The following NUGGC variants were observed in gnomAD, a reference collection of about 807,000 sequenced individuals.
The protein encoded by NUGGC is nuclear GTPase SLIP-GC.
A neutral mutation model predicts 92.6 loss-of-function variants in NUGGC; 58 were observed. The ratio of observed to expected loss-of-function variants is 0.63; its 90% CI spans 0.51 to 0.78. The LOEUF is 0.78. Ranked by LOEUF, NUGGC falls within the 30% of genes least tolerant of loss-of-function variation. The pLI is 0.00. For synonymous variants in NUGGC, 376 were observed against 366.4 expected (o/e 1.03, Z -0.30); for missense variants, 925 against 964.6 (o/e 0.96, Z 0.54).
intron 10 of NUGGC, among the ~76,000 whole-genome samples, chr8:28,050,389 AAAAGAAAAAAGGAAAGG>A (rs1282964657): frequency 1.3e-5 from 2 of 152,076 alleles, no homozygotes. Context: ...CTGTTAAAAA[AAAAGAAAAAAGGAAAGG>A]AAAAGAAAGG....
At chr8:28,064,840 T>C (rs767117363) in intron 6 of NUGGC, 109 bp from the exon 7 acceptor site, 189 of 884,996 alleles carry the variant, frequency 2.1e-4, no homozygotes, top group Non-Finnish European at 3.0e-4. Context: ...GGGTAAGAAG[T>C]GCGTCCAACA....
At chr8:28,025,932 A>C (rs1335051075) in intron 18 of NUGGC, among the ~76,000 whole-genome samples, 1 of 152,194 alleles carries the variant, frequency 6.6e-6, no homozygotes, top group African/African-American at 2.4e-5. Flanking sequence ...AGAGGCAACG[A>C]GTACTGCCAG....
At chr8:28,033,973 G>T (rs2130093112) in intron 13 of NUGGC, among the ~76,000 whole-genome samples, 1 of 152,256 alleles carries the variant, frequency 6.6e-6, no homozygotes, top group East Asian at 1.9e-4. Flanking sequence ...CATTTGTCCG[G>T]CTCCTGTACT....
intron 2 of NUGGC, among the ~76,000 whole-genome samples, chr8:28,073,593 G>A (rs977873205): frequency 6.6e-5 from 10 of 152,092 alleles, no homozygotes; most frequent in Non-Finnish European, 1.3e-4. Flanking sequence ...CGTCCTATAG[G>A]GAAGCCTCCC....
chr8:28,068,318 A>T lies in NUGGC; in HGVS notation c.378T>A (p.Phe126Leu). ...LINAIIQQAM[F>L]LPVSGESICT... is the part of the protein sequence containing the mutation. ...ATATGCTTTCTCCAGACACTGGTAG[A>T]AACATTGCTTGCTGGATGATGGCAT... The change falls in exon 5 of 19, where the codon TTT becomes TTA. Residue 126 changes from phenylalanine (F) to leucine (L), a missense_variant. Physicochemically the swap from Phe to Leu is conservative, Grantham distance 22 (BLOSUM62 0). Coordinates refer to ENST00000413272, the MANE Select transcript of NUGGC (RefSeq NM_001010906.2). 6.4e-7 allele frequency: 1 copy of T among 1,558,712 alleles called. No homozygotes were observed. The highest frequency in any genetic ancestry group is 8.7e-7 in the Non-Finnish European group (1 of 1,150,826).
intron 11 of NUGGC, among the ~76,000 whole-genome samples, chr8:28,046,047 C>A (rs1200551059): frequency 6.6e-6 from 1 of 152,044 alleles, no homozygotes; most frequent in African/African-American, 2.4e-5. Context: ...ATCAACTAAC[C>A]CTTAACACCA....
At chr8:28,037,365 T>C (rs76714482) in intron 13 of NUGGC, among the ~76,000 whole-genome samples, 2,054 of 152,294 alleles carry the variant, frequency 0.013, 52 homozygotes, top group African/African-American at 0.045. Flanking sequence ...TGGCAGCTTC[T>C]GGCTCCCACA....
In NUGGC at chr8:28,068,254, C is replaced by G. The variant is rs377510806; in HGVS notation, c.442G>C (p.Val148Leu). The change falls in exon 5 of 19, where the codon GTG (valine) becomes CTG (leucine). Residue 148 changes from valine to leucine, a missense_variant. Physicochemically the swap from Val to Leu is conservative, Grantham distance 32. Transcript: ENST00000413272. ...AGGTGGATTTTGGCCTCATACTGCA[C>G]ACAGCAGCCAGAGCTCACTTGTACA... ...CIVQVSSGCC[V>L]QYEAKIHLLS... The G allele has an allele frequency of 5.6e-5, 87 of 1,550,504 alleles. No individual in the cohort carries two copies. In the East Asian group the frequency reaches 1.3e-3, roughly 23 times the overall value.
intron 9 of NUGGC, among the ~76,000 whole-genome samples, chr8:28,056,726 A>G (rs955843779): frequency 5.3e-5 from 8 of 152,334 alleles, no homozygotes; most frequent in East Asian, 3.9e-4. Context: ...AATGCACACG[A>G]TTCTATCATG....
At chr8:28,046,844 T>C (rs1247380066) in intron 11 of NUGGC, among the ~76,000 whole-genome samples, 1 of 151,028 alleles carries the variant, frequency 6.6e-6, no homozygotes, top group Admixed American at 6.6e-5. Context: ...ATTTTTGTAT[T>C]TTTTAGTAGA....
intron 2 of NUGGC, among the ~76,000 whole-genome samples, chr8:28,072,962 C>T (rs1442287252): frequency 6.6e-6 from 1 of 151,564 alleles, no homozygotes; most frequent in African/African-American, 2.4e-5. Context: ...ACTGATCCCC[C>T]AACAGCCTGA....
intron 10 of NUGGC, among the ~76,000 whole-genome samples, chr8:28,053,488 A>G (rs1301706735): frequency 9.2e-6 from 1 of 108,640 alleles, no homozygotes; most frequent in Non-Finnish European, 2.1e-5. Context: ...CCATCTGGGA[A>G]AAAAAAAAAG....
chr8:28,056,274 C>T (rs548101855), intron 9 of NUGGC, among the ~76,000 whole-genome samples: 16 of 151,780 alleles, frequency 1.1e-4, no homozygotes, highest in African/African-American at 2.9e-4. Flanking sequence ...CTCAAGAGAT[C>T]GAGACCATCC....
At chr8:28,066,896 C>T (rs554545064) in intron 6 of NUGGC, among the ~76,000 whole-genome samples, 6 of 152,282 alleles carry the variant, frequency 3.9e-5, no homozygotes, top group African/African-American at 1.2e-4. Flanking sequence ...TCTGGACTCC[C>T]TTTCAGCCAG....
intron 14 of NUGGC, 101 bp downstream of exon 14, chr8:28,033,439 C>A (rs1353631922): frequency 1.8e-6 from 2 of 1,133,446 alleles, no homozygotes; most frequent in Non-Finnish European, 2.5e-6. Flanking sequence ...CAGTTACAAG[C>A]TACTCTTTAC....
chr8:28,042,665 T>C (rs1320333565), intron 12 of NUGGC, among the ~76,000 whole-genome samples: 1 of 152,212 alleles, frequency 6.6e-6, no homozygotes, highest in Admixed American at 6.5e-5. Context: ...CTGTGTCTTC[T>C]TCCCTGGATA....
intron 1 of NUGGC, among the ~76,000 whole-genome samples, chr8:28,075,689 C>T (rs1356604762): frequency 1.3e-5 from 2 of 152,188 alleles, no homozygotes; most frequent in Non-Finnish European, 1.5e-5. Flanking sequence ...CTCATTTACA[C>T]ATTAACCCCA....
intron 13 of NUGGC, among the ~76,000 whole-genome samples, chr8:28,036,814 A>C (rs1292615744): frequency 6.6e-6 from 1 of 152,160 alleles, no homozygotes; most frequent in Non-Finnish European, 1.5e-5. Flanking sequence ...GTCTCATCTT[A>C]ACAAAGCACC....
At chr8:28,070,619 G>A (rs1345371488) in intron 2 of NUGGC, among the ~76,000 whole-genome samples, 1 of 150,460 alleles carries the variant, frequency 6.6e-6, no homozygotes, top group Non-Finnish European at 1.5e-5. Flanking sequence ...AGAGACAGGG[G>A]TCTTACTGTG....
Sources: gnomAD v4.1 joint callset for allele counts (sites outside exome capture counted in the v4.1 genomes callset) on GRCh38, gnomAD v4.1.1 for gene constraint, MANE v1.5 for transcripts, NCBI Gene and HGNC (gene_info 2026-07-23, HGNC 2026-07-21) for gene names.